Variants in NOVA1 observed in about 807,000 individuals in gnomAD.
NOVA1 encodes the protein NOVA alternative splicing regulator 1.
Under a neutral mutation model 38.0 loss-of-function variants are expected in NOVA1, and 7 were observed. The observed-to-expected ratio is 0.18, with a 90% CI of 0.10 to 0.35. The LOEUF is 0.35. Ranked by LOEUF, NOVA1 falls within the 10% of genes least tolerant of loss-of-function variation. NOVA1 has a pLI of 1.00. For synonymous variants in NOVA1, 270 were observed against 232.5 expected (o/e 1.16, Z -1.47); for missense variants, 460 against 616.0 (o/e 0.75, Z 2.68).
At chr14:26,450,063 A>G (rs1882518895) in intron 4 of NOVA1, among the ~76,000 whole-genome samples, 1 of 152,170 alleles carries the variant, frequency 6.6e-6, no homozygotes, top group Non-Finnish European at 1.5e-5. Flanking sequence ...GGTAGGTCAA[A>G]ACTTGTGATT....
chr14:26,549,136 GAC>G (rs1341240290), intron 2 of NOVA1, among the ~76,000 whole-genome samples: 1 of 151,910 alleles, frequency 6.6e-6, no homozygotes, highest in Admixed American at 6.6e-5. Flanking sequence ...CAGACTGGGT[GAC>G]AGAGAGAGAC....
At chr14:26,538,412 A>G (rs1346873634) in intron 2 of NOVA1, among the ~76,000 whole-genome samples, 2 of 152,174 alleles carry the variant, frequency 1.3e-5, no homozygotes, top group Non-Finnish European at 2.9e-5. Flanking sequence ...AAAAACTAAT[A>G]ATCAAAAATA....
Position 26,500,723 on chromosome 14 carries a change from T to C in NOVA1, c.281-20580A>G, listed in dbSNP as rs141230712. On this transcript the variant is annotated intron_variant, in intron 2 of 4. Transcript: ENST00000539517. ...AAGAAAATTTAGAAATTGCAGAAAG[T>C]ATTGTTTACAGTAAGAAATATAATT... 9.8e-3 allele frequency among the ~76,000 whole-genome samples: 1,487 copies of C among 152,108 alleles called. 21 individuals carry two copies. The highest frequency in any genetic ancestry group is 0.032 in the African/African-American group (1,328 of 41,544).
intron 2 of NOVA1, among the ~76,000 whole-genome samples, chr14:26,569,704 C>T (rs1010770264): frequency 6.6e-6 from 1 of 152,090 alleles, no homozygotes; most frequent in African/African-American, 2.4e-5. Context: ...AAAAGTGGCC[C>T]ATTATTGACA....
rs74967349 is a variant in NOVA1, at chr14:26,499,416, T to C, written c.281-19273A>G. ...ATGTGAATTTGTATGATGCAGCAAA[T>C]TGGTTTTCCTTCTGTGTCTAATACT... On this transcript the variant is annotated intron_variant, in intron 2 of 4. Transcript: ENST00000539517. Among the ~76,000 whole-genome samples, 1,317 of 152,264 alleles carry C rather than the reference T, an allele frequency of 8.6e-3. 20 individuals are homozygous for C. The highest frequency in any genetic ancestry group is 0.029 in the African/African-American group (1,204 of 41,562).
rs1894313474 is a variant in NOVA1 at position 26,597,925 on chromosome 14, C to CAGAGGAG, written c.-496_-490dup. 6.6e-6 allele frequency among the ~76,000 whole-genome samples: 1 copy of CAGAGGAG among 151,252 alleles called. No individual in the cohort carries two copies. The highest frequency in any genetic ancestry group is 2.1e-4 in the South Asian group (1 of 4,776). ...TGGATGCCGAGAGAGGAGCGAGCGGCAGAGGAGGGCAGGAGCCGGGAAGGA... is the reference window on the plus strand; with the variant it reads ...TGGATGCCGAGAGAGGAGCGAGCGGCAGAGGAGAGAGGAGGGCAGGAGCCGGGAAGGA... On this transcript the variant is annotated 5_prime_UTR_variant, in exon 1 of 5. Transcript: ENST00000539517.
chr14:26,510,090 GA>G (rs1484364667), intron 2 of NOVA1, among the ~76,000 whole-genome samples: 5 of 140,538 alleles, frequency 3.6e-5, no homozygotes, highest in Non-Finnish European at 7.9e-5. Flanking sequence ...TGGAGAAATG[GA>G]AAAAAGGGGA....
At chr14:26,454,502 G>C (rs1384195804) in intron 4 of NOVA1, among the ~76,000 whole-genome samples, 1 of 152,124 alleles carries the variant, frequency 6.6e-6, no homozygotes, top group East Asian at 1.9e-4. Flanking sequence ...AGTTAACTCA[G>C]ATAAAAATGA....
intron 2 of NOVA1, among the ~76,000 whole-genome samples, chr14:26,576,612 T>C (rs1275634131): frequency 1.3e-5 from 2 of 151,596 alleles, no homozygotes; most frequent in African/African-American, 4.8e-5. Flanking sequence ...TGTGTGTGTA[T>C]ATATATATAC....
intron 2 of NOVA1, among the ~76,000 whole-genome samples, chr14:26,585,455 T>C (rs144999006): frequency 1.3e-5 from 2 of 151,284 alleles, no homozygotes; most frequent in African/African-American, 4.8e-5. Flanking sequence ...TTCCCCACTA[T>C]AGTTGGGGAA....
chr14:26,496,537 C>T (rs1281114161), intron 2 of NOVA1, among the ~76,000 whole-genome samples: 1 of 151,992 alleles, frequency 6.6e-6, no homozygotes, highest in East Asian at 1.9e-4. Context: ...GTTGCCATTG[C>T]TTTTGGTGTT....
intron 2 of NOVA1, among the ~76,000 whole-genome samples, chr14:26,503,879 G>T (rs935068440): frequency 6.6e-6 from 1 of 151,976 alleles, no homozygotes; most frequent in Admixed American, 6.6e-5. Context: ...AGAACAACAG[G>T]CACAAACCGA....
rs940535760 is a variant in NOVA1 at position 26,444,539 on chromosome 14, A to G, written c.*3420T>C. The G allele has an allele frequency of 2.6e-5, 4 of 152,134 alleles. No homozygotes were observed. Among genetic ancestry groups the G allele is most frequent in the Non-Finnish European group, 5.9e-5 (4 of 68,030 alleles). The allele number at this position is 152,134 out of a possible 1,614,324, so 9.4% of individuals were successfully genotyped here. On this transcript the variant is annotated 3_prime_UTR_variant, in exon 5 of 5. Transcript: ENST00000539517. Reference sequence around the variant, plus strand: ...AAGCTGGAAGGAGTCGAATAAGCAGAAAAAAGAGCTTAGATCTATTGTAAG... The same window carrying G: ...AAGCTGGAAGGAGTCGAATAAGCAGGAAAAAGAGCTTAGATCTATTGTAAG...
intron 2 of NOVA1, among the ~76,000 whole-genome samples, chr14:26,579,032 T>G (rs1893039591): frequency 6.6e-6 from 1 of 151,502 alleles, no homozygotes; most frequent in Non-Finnish European, 1.5e-5. Flanking sequence ...TTATTTTTTT[T>G]TTTCCATAGC....
At chr14:26,585,461 G>A (rs1190136264) in intron 2 of NOVA1, among the ~76,000 whole-genome samples, 1 of 151,008 alleles carries the variant, frequency 6.6e-6, no homozygotes, top group Admixed American at 6.6e-5. Flanking sequence ...ACTATAGTTG[G>A]GGAAGAAGAT....
At chr14:26,543,179 C>A (rs998005096) in intron 2 of NOVA1, among the ~76,000 whole-genome samples, 1 of 151,692 alleles carries the variant, frequency 6.6e-6, no homozygotes, top group Non-Finnish European at 1.5e-5. Flanking sequence ...TATTAGGTAT[C>A]CATAAAAATT....
At chr14:26,580,533 T>C (rs996174636) in intron 2 of NOVA1, among the ~76,000 whole-genome samples, 4 of 152,040 alleles carry the variant, frequency 2.6e-5, no homozygotes, top group Non-Finnish European at 5.9e-5. Context: ...TTATTTAGGC[T>C]ATGCAACAAA....
At chr14:26,510,468 T>A (rs1007292813) in intron 2 of NOVA1, among the ~76,000 whole-genome samples, 3 of 152,180 alleles carry the variant, frequency 2.0e-5, no homozygotes, top group Admixed American at 6.5e-5. Flanking sequence ...TAAAATGAAA[T>A]TCTTGATAAA....
rs546514353 is a variant in NOVA1 at position 26,488,596 on chromosome 14, C to T, written c.281-8453G>A. On this transcript the variant is annotated intron_variant, in intron 2 of 4. Transcript: ENST00000539517. ...ATGCAAAAAACAGTTAAGATGATGA[C>T]GATTCATTCATCCTCAGCATAGGTT... is the stretch of plus-strand genomic sequence containing the variant. Among the ~76,000 whole-genome samples the T allele has an allele frequency of 2.6e-5, 4 of 152,196 alleles. No individual in the cohort carries two copies. The South Asian group carries it at 6.2e-4, about 24-fold the overall frequency.
Sources: gnomAD v4.1 joint callset for allele counts (sites outside exome capture counted in the v4.1 genomes callset) on GRCh38, gnomAD v4.1.1 for gene constraint, MANE v1.5 for transcripts, NCBI Gene and HGNC (gene_info 2026-07-23, HGNC 2026-07-21) for gene names.